Variants in COL28A1 observed in about 807,000 individuals in gnomAD.
The protein encoded by COL28A1 is collagen alpha-1(XXVIII) chain.
In COL28A1, 161 loss-of-function variants were observed where a neutral mutation model predicts 150.2. The observed-to-expected ratio is 1.07, with a 90% CI of 0.94 to 1.22. COL28A1 has a LOEUF of 1.22. COL28A1 is among the 50% of genes most tolerant of loss of function. The pLI is 0.00. For missense variants in COL28A1, 1,617 were observed against 1,388.3 expected (o/e 1.16, Z -2.62); for synonymous variants, 552 against 469.7 (o/e 1.18, Z -2.26).
downstream of COL28A1, among the ~76,000 whole-genome samples, chr7:7,353,406 G>A (rs1752380256): frequency 1.3e-5 from 2 of 152,120 alleles, no homozygotes; most frequent in South Asian, 4.2e-4. Flanking sequence ...AGACACACAG[G>A]AATATAACTA....
At chr7:7,541,802 A>G in the COL28A1 span, among the ~76,000 whole-genome samples, 5 of 152,220 alleles carry the variant, frequency 3.3e-5, no homozygotes, top group Non-Finnish European at 7.3e-5. Context: ...ACATCTGATG[A>G]AATCCATAAC....
At chr7:7,441,136 G>A (rs1427977786) in intron 20 of COL28A1, among the ~76,000 whole-genome samples, 1 of 152,120 alleles carries the variant, frequency 6.6e-6, no homozygotes, top group Non-Finnish European at 1.5e-5. Flanking sequence ...TGAATTTATA[G>A]TTCATTTTCA....
intron 15 of COL28A1, among the ~76,000 whole-genome samples, chr7:7,466,431 A>G (rs1181377355): frequency 7.7e-6 from 1 of 129,086 alleles, no homozygotes; most frequent in Non-Finnish European, 1.6e-5. Flanking sequence ...AAATGAGCAA[A>G]GCCTCCAAGA....
At chr7:7,386,369 A>T (rs537991862) in intron 27 of COL28A1, among the ~76,000 whole-genome samples, 3 of 152,308 alleles carry the variant, frequency 2.0e-5, no homozygotes, top group Non-Finnish European at 4.4e-5. Context: ...AGTGGAAAAA[A>T]ATGCTACTCT....
chr7:7,464,088 G>A (rs571143671), intron 15 of COL28A1, among the ~76,000 whole-genome samples: 135 of 152,084 alleles, frequency 8.9e-4, no homozygotes, highest in Non-Finnish European at 1.4e-3. Context: ...AATGATAAAA[G>A]GCCTTGTCCA....
chr7:7,400,123 C>G lies in COL28A1; in HGVS notation c.2136+17736G>C, dbSNP rs191992498. 3.3e-5 allele frequency among the ~76,000 whole-genome samples: 5 copies of G among 152,324 alleles called. No homozygotes were observed. In the East Asian group the frequency reaches 9.6e-4, roughly 29 times the overall value. ...ACCCAGAAGCAGTGAAAGGGCAAAG[C>G]CCCCTTCATGCTGATTTAATACTTG... On this transcript the variant is annotated intron_variant, in intron 27 of 34. Coordinates refer to ENST00000399429, the MANE Select transcript of COL28A1 (RefSeq NM_001037763.3).
At chr7:7,414,743 G>C (rs6953394) in intron 27 of COL28A1, among the ~76,000 whole-genome samples, 26,022 of 152,202 alleles carry the variant, frequency 0.17, 2,724 homozygotes, top group African/African-American at 0.29. Flanking sequence ...GGTAGCCAGA[G>C]TGAGTCTCTT....
chr7:7,459,519 C>A (rs1293302782), intron 15 of COL28A1, among the ~76,000 whole-genome samples: 1 of 152,192 alleles, frequency 6.6e-6, no homozygotes, highest in African/African-American at 2.4e-5. Flanking sequence ...TAATTATCTG[C>A]TTAAAGGCTG....
rs532935203 is a variant in COL28A1 at position 7,490,572 on chromosome 7, C to T, written c.1095+6G>A. 3.4e-6 allele frequency: 4 copies of T among 1,188,434 alleles called. No homozygotes were observed. The South Asian group carries it at 4.9e-5, about 15-fold the overall frequency. 73.6% of individuals were successfully genotyped at this position (1,188,434 alleles called of 1,614,324 possible). ...CATCAGTGGGCAAAAAGACAAGTAT[C>T]TTTACCTTAATACCTTGCTGTCCAA... is the stretch of plus-strand genomic sequence containing the variant. On this transcript the variant is annotated splice_donor_region_variant and intron_variant, in intron 12 of 34. Transcript: ENST00000399429.
intron 16 of COL28A1, 48 bp downstream of exon 16, chr7:7,455,996 G>C (rs760843070): frequency 1.2e-6 from 2 of 1,610,054 alleles, no homozygotes; most frequent in East Asian, 2.2e-5. Context: ...GACCAGGATT[G>C]GGCTGGAATG....
chr7:7,481,905 T>C (rs1779345581), intron 13 of COL28A1, among the ~76,000 whole-genome samples: 1 of 152,158 alleles, frequency 6.6e-6, no homozygotes, highest in South Asian at 2.1e-4. Context: ...TACAGTGCTC[T>C]GAATAACCTT....
At chr7:7,441,524 GAAAA>G (rs55984344) in intron 20 of COL28A1, among the ~76,000 whole-genome samples, 3 of 139,132 alleles carry the variant, frequency 2.2e-5, no homozygotes, top group African/African-American at 5.3e-5. Flanking sequence ...CTCAACAAAC[GAAAA>G]AAAAAAAAAA....
At chr7:7,361,972 T>G (rs1337418437) in intron 33 of COL28A1, among the ~76,000 whole-genome samples, 2 of 151,740 alleles carry the variant, frequency 1.3e-5, no homozygotes, top group Non-Finnish European at 1.5e-5. Context: ...TAAGTGGGAG[T>G]TGAACAATGA....
intron 19 of COL28A1, among the ~76,000 whole-genome samples, chr7:7,443,909 C>A (rs1562667887): frequency 6.6e-6 from 1 of 150,490 alleles, no homozygotes; most frequent in African/African-American, 2.4e-5. Flanking sequence ...GCAATAAGCT[C>A]ATTTTCTTTT....
intron 2 of COL28A1, among the ~76,000 whole-genome samples, chr7:7,532,442 A>T (rs963904087): frequency 2.0e-4 from 30 of 152,186 alleles, no homozygotes; most frequent in African/African-American, 7.0e-4. Context: ...TATGGCCTTG[A>T]GTATGCCACT....
At chr7:7,523,438 G>A (rs900359516) in intron 4 of COL28A1, among the ~76,000 whole-genome samples, 4 of 151,740 alleles carry the variant, frequency 2.6e-5, no homozygotes, top group African/African-American at 7.3e-5. Context: ...GATTACAGGC[G>A]TGAGCGACCA....
chr7:7,338,599 C>T, the COL28A1 span, among the ~76,000 whole-genome samples: 1 of 152,048 alleles, frequency 6.6e-6, no homozygotes, highest in Non-Finnish European at 1.5e-5. Flanking sequence ...TTGGTGGAGT[C>T]TTTAGGGGTT....
intron 27 of COL28A1, among the ~76,000 whole-genome samples, chr7:7,388,761 G>A (rs561378666): frequency 6.6e-6 from 1 of 152,202 alleles, no homozygotes; most frequent in East Asian, 1.9e-4. Flanking sequence ...TGACAGTGAT[G>A]ATGAGCTTTT....
intron 7 of COL28A1, among the ~76,000 whole-genome samples, chr7:7,516,578 T>C (rs974659912): frequency 3.3e-5 from 5 of 152,190 alleles, no homozygotes; most frequent in African/African-American, 1.2e-4. Context: ...CAGCAAGTCC[T>C]CTTCAAATGG....
Sources: allele counts gnomAD v4.1 joint callset (sites outside exome capture counted in the v4.1 genomes callset), GRCh38; gene constraint gnomAD v4.1.1; transcripts MANE v1.5; gene names NCBI Gene and HGNC (gene_info 2026-07-23, HGNC 2026-07-21).